Variants in CDH6 observed in about 807,000 individuals in gnomAD.
CDH6 encodes the protein cadherin 6, also known as cadherin-6.
A neutral mutation model predicts 78.0 loss-of-function variants in CDH6; 31 were observed. That is an observed-to-expected ratio of 0.40 (90% CI 0.30 to 0.54). CDH6 has a LOEUF of 0.54. CDH6 is among the 20% of genes least tolerant of loss of function. The probability of loss-of-function intolerance (pLI) is 0.56; values close to 1 mark genes in which losing one functional copy is unlikely to be tolerated. For synonymous variants in CDH6, 376 were observed against 368.8 expected, an observed-to-expected ratio of 1.02 and a Z score of -0.23; for missense variants, 724 against 975.9, an observed-to-expected ratio of 0.74 and a Z score of 3.44.
intron 1 of CDH6, among the ~76,000 whole-genome samples, chr5:31,221,578 A>C (rs1450837218): frequency 6.6e-6 from 1 of 152,184 alleles, no homozygotes; most frequent in Admixed American, 6.5e-5. Flanking sequence ...CTGTCTTCAA[A>C]GATTGATGAC....
intron 1 of CDH6, chr5:31,250,516 C>T (rs62348941): frequency 0.055 from 8,385 of 152,934 alleles, 267 homozygotes; most frequent in South Asian, 0.12. Context: ...CTCTTACATC[C>T]TCTGGCTCCT....
intron 1 of CDH6, among the ~76,000 whole-genome samples, chr5:31,218,160 T>G (rs144798588): frequency 6.6e-6 from 1 of 152,278 alleles, no homozygotes; most frequent in African/African-American, 2.4e-5. Flanking sequence ...TGCAATATGT[T>G]CTTGCAACCA....
chr5:31,232,601 A>C (rs1488838827), intron 1 of CDH6, among the ~76,000 whole-genome samples: 2 of 152,230 alleles, frequency 1.3e-5, no homozygotes, highest in Non-Finnish European at 1.5e-5. Flanking sequence ...CTTTAAGCTA[A>C]AAATATTCTG....
rs1738534455 is a variant in CDH6, at chr5:31,323,517, A to C, written c.*209A>C. On this transcript the variant is annotated 3_prime_UTR_variant, in exon 12 of 12. Coordinates refer to ENST00000265071, the MANE Select transcript of CDH6 (RefSeq NM_004932.4). The stretch of plus-strand genomic sequence containing the variant: ...CAAATTTTTATTTTTTAGTGCATCC[A>C]GTTAACCAAGTCAGCCCAACAGGCA... 1 of 539,554 alleles carries C rather than the reference A, an allele frequency of 1.9e-6. No homozygotes were observed. Among genetic ancestry groups the C allele is most frequent in the African/African-American group, 1.9e-5 (1 of 53,128 alleles). 33.4% of individuals were successfully genotyped at this position (539,554 alleles called of 1,614,324 possible).
At chr5:31,254,990 C>T (rs1053233176) in intron 1 of CDH6, among the ~76,000 whole-genome samples, 3 of 152,198 alleles carry the variant, frequency 2.0e-5, no homozygotes, top group African/African-American at 7.2e-5. Flanking sequence ...AAATATTTCT[C>T]TTTCTACACA....
chr5:31,322,567 A>C (rs1193732907), intron 11 of CDH6, among the ~76,000 whole-genome samples: 2 of 152,146 alleles, frequency 1.3e-5, no homozygotes, highest in African/African-American at 4.8e-5. Context: ...GTAAAAAGGA[A>C]CTACTGCCAA....
chr5:31,229,789 T>C (rs1741266985), intron 1 of CDH6, among the ~76,000 whole-genome samples: 1 of 152,200 alleles, frequency 6.6e-6, no homozygotes, highest in Non-Finnish European at 1.5e-5. Flanking sequence ...GTTTTTGTTG[T>C]TGTTGCTCTT....
intron 1 of CDH6, among the ~76,000 whole-genome samples, chr5:31,265,769 G>GA (rs71612207): frequency 1.3e-5 from 1 of 78,406 alleles, no homozygotes; most frequent in East Asian, 4.3e-4. Context: ...TTAAGACAAT[G>GA]TTTTTTTTTT....
At chr5:31,305,106 C>T (rs190889144) in intron 6 of CDH6, 68 bp from the exon 7 acceptor site, 34 of 1,495,992 alleles carry the variant, frequency 2.3e-5, no homozygotes, top group Non-Finnish European at 3.0e-5. Flanking sequence ...AAAAATGTTT[C>T]GTGTCTTGGC....
rs777451395 is a variant in CDH6 at position 31,323,331 on chromosome 5, A to C, written c.*23A>C. 3 of 1,590,768 alleles carry C rather than the reference A, an allele frequency of 1.9e-6. No individual in the cohort carries two copies. Among genetic ancestry groups the C allele is most frequent in the African/African-American group, 2.7e-5 (2 of 74,240 alleles). On this transcript the variant is annotated 3_prime_UTR_variant, in exon 12 of 12. Transcript: ENST00000265071. ...TAATCTGTTGCCTTTTTCATTTTCCAATACGACACTGAAATATGTGAAGTG... is the reference window on the plus strand; with the variant it reads ...TAATCTGTTGCCTTTTTCATTTTCCCATACGACACTGAAATATGTGAAGTG...
chr5:31,298,896 T>A (rs1561063704), intron 4 of CDH6, among the ~76,000 whole-genome samples: 1 of 152,170 alleles, frequency 6.6e-6, no homozygotes, highest in Non-Finnish European at 1.5e-5. Context: ...ATGATCATTA[T>A]GAGAGAATTG....
At chr5:31,254,077 C>A (rs1272765742) in intron 1 of CDH6, among the ~76,000 whole-genome samples, 1 of 152,148 alleles carries the variant, frequency 6.6e-6, no homozygotes, top group Non-Finnish European at 1.5e-5. Flanking sequence ...TTGCCCCCTC[C>A]CACAACATCC....
intron 2 of CDH6, among the ~76,000 whole-genome samples, chr5:31,275,907 T>G (rs558813448): frequency 6.6e-6 from 1 of 152,346 alleles, no homozygotes; most frequent in South Asian, 2.1e-4. Flanking sequence ...GTCTTCCTTA[T>G]GTTCCACCCA....
chr5:31,304,501 A>G lies in CDH6; in HGVS notation c.1000-673A>G, dbSNP rs79575027. On this transcript the variant is annotated intron_variant, in intron 6 of 11. Transcript: ENST00000265071. ...AGAGATCGAGACCATCCTGGCCAACATGATGAAGCCCTGTTTCTACTAAAA... is the reference window on the plus strand; with the variant it reads ...AGAGATCGAGACCATCCTGGCCAACGTGATGAAGCCCTGTTTCTACTAAAA... Among the ~76,000 whole-genome samples, 402 of 152,102 alleles carry G rather than the reference A, an allele frequency of 2.6e-3. 5 individuals are homozygous for G. The South Asian group carries it at 0.042, about 16-fold the overall frequency.
At chr5:31,241,757 G>A (rs1741608872) in intron 1 of CDH6, among the ~76,000 whole-genome samples, 1 of 152,214 alleles carries the variant, frequency 6.6e-6, no homozygotes, top group Non-Finnish European at 1.5e-5. Flanking sequence ...AGCAAACGCT[G>A]CTTTCTTCAC....
chr5:31,308,074 GA>G (rs1738038254), intron 7 of CDH6, among the ~76,000 whole-genome samples: 1 of 151,956 alleles, frequency 6.6e-6, no homozygotes, highest in South Asian at 2.1e-4. Flanking sequence ...TCTTATATTA[GA>G]AAAATCCATT....
intron 1 of CDH6, among the ~76,000 whole-genome samples, chr5:31,200,850 T>C (rs1740333094): frequency 6.6e-6 from 1 of 152,178 alleles, no homozygotes; most frequent in Admixed American, 6.5e-5. Context: ...AGTCATGTAG[T>C]TAATCTAGCC....
intron 1 of CDH6, among the ~76,000 whole-genome samples, chr5:31,243,795 C>A (rs1741669486): frequency 1.3e-5 from 2 of 152,190 alleles, no homozygotes; most frequent in African/African-American, 4.8e-5. Flanking sequence ...TTCTTTAAAG[C>A]AAACCTCGAT....
At position 31,294,429 on chromosome 5, in the gene CDH6, T is replaced by C. The variant is rs185134432; in HGVS notation, c.523+173T>C. On this transcript the variant is annotated intron_variant, in intron 3 of 11. Coordinates refer to ENST00000265071, the MANE Select transcript of CDH6 (RefSeq NM_004932.4). The surrounding 1 kb of genome is among the most constrained non-coding windows in gnomAD (Gnocchi z 4.1). ...TTTCCTAATATTACTCTAGTCTCAT[T>C]TTGTGATTATTTTAAAAACCACATT... is the stretch of plus-strand genomic sequence containing the variant. 6.6e-6 allele frequency among the ~76,000 whole-genome samples: 1 copy of C among 152,158 alleles called. No homozygotes were observed. The highest frequency in any genetic ancestry group is 1.5e-5 in the Non-Finnish European group (1 of 68,018).
Sources: gnomAD v4.1 joint callset for allele counts (sites outside exome capture counted in the v4.1 genomes callset) on GRCh38, gnomAD v4.1.1 for gene constraint, Gnocchi (gnomAD v3.1) non-coding constraint, MANE v1.5 for transcripts, NCBI Gene and HGNC (gene_info 2026-07-23, HGNC 2026-07-21) for gene names.